CUX1: variants seen among roughly 807,000 people sequenced by gnomAD.
The protein encoded by CUX1 is protein CASP.
A neutral mutation model predicts 158.8 loss-of-function variants in CUX1; 31 were observed. The ratio of observed to expected loss-of-function variants is 0.20; its 90% confidence interval spans 0.15 to 0.26. CUX1 has a LOEUF of 0.26. Among genes scored for constraint, CUX1 ranks in the 10% least tolerant of loss-of-function variants. The probability of loss-of-function intolerance (pLI) is 1.00; values close to 1 mark genes in which losing one functional copy is unlikely to be tolerated. For synonymous variants in CUX1, 879 were observed against 862.1 expected (o/e 1.02, Z -0.34); for missense variants, 1,589 against 2,014.6 (o/e 0.79, Z 4.04).
chr7:101,855,599 G>T (rs1562932190), intron 1 of CUX1, among the ~76,000 whole-genome samples: 1 of 152,160 alleles, frequency 6.6e-6, no homozygotes, highest in Non-Finnish European at 1.5e-5. Flanking sequence ...GCAGCTTAAG[G>T]CCGGGCGCGG....
chr7:101,873,278 T>TTGC (rs1170964812), intron 1 of CUX1, among the ~76,000 whole-genome samples: 3 of 151,796 alleles, frequency 2.0e-5, no homozygotes, highest in Non-Finnish European at 4.4e-5. Flanking sequence ...CCATGGTGGT[T>TTGC]TGCTGCACCT....
At chr7:102,157,476 C>T (rs1424453760) in intron 8 of CUX1, among the ~76,000 whole-genome samples, 1 of 152,138 alleles carries the variant, frequency 6.6e-6, no homozygotes, top group Non-Finnish European at 1.5e-5. Context: ...GTTGGCCGTG[C>T]CCTTCTCAAA....
At chr7:102,091,258 TATG>T (rs1472855059) in intron 4 of CUX1, among the ~76,000 whole-genome samples, 3 of 152,232 alleles carry the variant, frequency 2.0e-5, no homozygotes, top group Admixed American at 6.5e-5. Context: ...ATGTTACTGA[TATG>T]ATAGCCATTT....
intron 2 of CUX1, among the ~76,000 whole-genome samples, chr7:102,015,353 A>G (rs1342497608): frequency 6.6e-6 from 1 of 151,980 alleles, no homozygotes; most frequent in Admixed American, 6.6e-5. Context: ...TCAGCCTCCC[A>G]AGTAGCTTGG....
At chr7:101,992,166 G>A (rs552524435) in intron 2 of CUX1, among the ~76,000 whole-genome samples, 1 of 152,138 alleles carries the variant, frequency 6.6e-6, no homozygotes, top group East Asian at 1.9e-4. Context: ...GGCTTGGAGG[G>A]GGGTGCACTT....
At chr7:102,208,389 A>C (rs1414790734) in intron 20 of CUX1, among the ~76,000 whole-genome samples, 1 of 152,132 alleles carries the variant, frequency 6.6e-6, no homozygotes, top group Non-Finnish European at 1.5e-5. Flanking sequence ...AACTACAGGC[A>C]TGCGCCAGCA....
intron 5 of CUX1, among the ~76,000 whole-genome samples, chr7:102,102,058 G>A (rs1186752886): frequency 6.6e-6 from 1 of 152,208 alleles, no homozygotes; most frequent in East Asian, 1.9e-4. Flanking sequence ...CTTTGGCCTC[G>A]TCCGTATGGC....
At chr7:101,834,165 C>CTTTTTTT (rs575992276) in intron 1 of CUX1, among the ~76,000 whole-genome samples, 1 of 71,080 alleles carries the variant, frequency 1.4e-5, no homozygotes, top group South Asian at 5.4e-4. Flanking sequence ...CTGATTGTTT[C>CTTTTTTT]TTTTTTTTTT....
chr7:101,938,138 A>T (rs1167117812), intron 2 of CUX1, among the ~76,000 whole-genome samples: 4 of 149,704 alleles, frequency 2.7e-5, no homozygotes, highest in African/African-American at 9.8e-5. Context: ...TTTTTGAGAC[A>T]GTCTCACTCT....
At chr7:102,166,911 T>A (rs1275244670) in intron 9 of CUX1, among the ~76,000 whole-genome samples, 1 of 152,054 alleles carries the variant, frequency 6.6e-6, no homozygotes, top group Non-Finnish European at 1.5e-5. Context: ...CGCCAACAGA[T>A]GGGCCACAGA....
At chr7:102,168,923 C>CTTTTTTTT (rs1191271149) in intron 9 of CUX1, among the ~76,000 whole-genome samples, 12 of 45,032 alleles carry the variant, frequency 2.7e-4, no homozygotes, top group African/African-American at 1.8e-3. Context: ...ATTTTCTTTT[C>CTTTTTTTT]TTTTCTTTTA....
chr7:102,201,897 G>A lies in CUX1; in HGVS notation c.2600G>A (p.Arg867His), dbSNP rs1554519909. The change falls in exon 18 of 24, where the codon CGC becomes CAC. Residue 867 changes from arginine to histidine, a missense_variant. Around this residue, in one of 8 missense-constraint regions of CUX1, gnomAD observed 337 missense variants for 409.3 expected, o/e 0.82. Transcript: ENST00000292535. This position sits in a 1 kb window ranked among gnomAD's most constrained non-coding sequence, Gnocchi z 5.0. ...SGGGSQPRAE[R>H]SQLQGPSSSE... ...GGTGGCAGCCAGCCTCGGGCCGAGC[G>A]CAGTCAGCTCCAGGGACCCTCGTCG... is the stretch of plus-strand genomic sequence containing the variant. The A allele has an allele frequency of 5.6e-6, 9 of 1,613,814 alleles. No homozygotes were observed. The highest frequency in any genetic ancestry group is 2.2e-5 in the South Asian group (2 of 91,074).
chr7:101,816,529 C>G (rs1223560127), upstream of CUX1, among the ~76,000 whole-genome samples: 1 of 140,476 alleles, frequency 7.1e-6, no homozygotes, highest in South Asian at 2.2e-4. Context: ...GGGGGGCGGG[C>G]GGCGGCGGGC....
chr7:101,983,436 C>G (rs1366350462), intron 2 of CUX1, among the ~76,000 whole-genome samples: 1 of 152,158 alleles, frequency 6.6e-6, no homozygotes, highest in East Asian at 1.9e-4. Context: ...CCTCTGTGCC[C>G]ACCCTGGGGT....
chr7:102,179,409 T>C (rs1792780075), intron 11 of CUX1, among the ~76,000 whole-genome samples: 1 of 152,152 alleles, frequency 6.6e-6, no homozygotes, highest in Non-Finnish European at 1.5e-5. Flanking sequence ...GAGGAGCTGG[T>C]GTACTATAAC....
chr7:102,011,641 A>G (rs1277631334), intron 2 of CUX1, among the ~76,000 whole-genome samples: 1 of 151,516 alleles, frequency 6.6e-6, no homozygotes, highest in East Asian at 2.0e-4. Flanking sequence ...TTGGCCTCCC[A>G]AAGTGCTGAG....
At chr7:102,215,454 C>G (rs572187171) in intron 20 of CUX1, among the ~76,000 whole-genome samples, 1 of 152,202 alleles carries the variant, frequency 6.6e-6, no homozygotes, top group African/African-American at 2.4e-5. Context: ...GATTAATATG[C>G]AAATAATAGG....
intron 8 of CUX1, among the ~76,000 whole-genome samples, chr7:102,134,168 T>C (rs1778323752): frequency 6.6e-6 from 1 of 152,030 alleles, no homozygotes; most frequent in South Asian, 2.1e-4. Flanking sequence ...AAACCTCATA[T>C]CTCCTAAAAG....
intron 1 of CUX1, chr7:101,819,069 A>G (rs1792194123): frequency 6.6e-6 from 1 of 152,162 alleles, no homozygotes; most frequent in South Asian, 2.1e-4. Context: ...CTGCCTTGGC[A>G]CAGGAGTGTG....
Sources: gnomAD v4.1 joint callset for allele counts (sites outside exome capture counted in the v4.1 genomes callset) on GRCh38, gnomAD v4.1.1 for gene constraint, gnomAD v4.1.1 regional missense constraint, Gnocchi (gnomAD v3.1) non-coding constraint, MANE v1.5 for transcripts, NCBI Gene and HGNC (gene_info 2026-07-23, HGNC 2026-07-21) for gene names.